The following ADAM18 variants were observed in gnomAD, a reference collection of about 807,000 sequenced individuals.
ADAM18 encodes the protein disintegrin and metalloproteinase domain-containing protein 18.
A neutral mutation model predicts 94.4 loss-of-function variants in ADAM18; 117 were observed. The observed-to-expected ratio is 1.24, with a 90% CI of 1.07 to 1.45. ADAM18 has a LOEUF of 1.45. Ranked by LOEUF, ADAM18 falls within the 40% of genes most tolerant of loss-of-function variation. The pLI, the probability that ADAM18 is intolerant of heterozygous loss-of-function variation, is 0.00. For synonymous variants in ADAM18, 327 were observed against 291.6 expected, an observed-to-expected ratio of 1.12 and a Z score of -1.24; for missense variants, 936 against 880.0, an observed-to-expected ratio of 1.06 and a Z score of -0.81.
chr8:39,630,788 T>G (rs1819911644), intron 7 of ADAM18, among the ~76,000 whole-genome samples: 2 of 151,956 alleles, frequency 1.3e-5, no homozygotes, highest in South Asian at 4.1e-4. Context: ...TATGTTACCT[T>G]TGGACAATAT....
intron 14 of ADAM18, among the ~76,000 whole-genome samples, chr8:39,673,199 G>C (rs1298889160): frequency 6.6e-6 from 1 of 152,164 alleles, no homozygotes; most frequent in Non-Finnish European, 1.5e-5. Context: ...TACTACAAAT[G>C]TAATCAGGTA....
Position 39,703,430 on chromosome 8 carries a change from C to T in ADAM18, c.1903-3360C>T, listed in dbSNP as rs143081320. Among the ~76,000 whole-genome samples the T allele has an allele frequency of 2.3e-3, 356 of 152,024 alleles. 2 individuals carry two copies. The highest frequency in any genetic ancestry group is 3.3e-3 in the Non-Finnish European group (224 of 67,912). ...ATATAGGATCATGTCATCCACAAAG[C>T]GGAATAATTTACCTTCCTTTCTTTC... On this transcript the variant is annotated intron_variant, in intron 17 of 19. Coordinates refer to ENST00000265707, the MANE Select transcript of ADAM18 (RefSeq NM_014237.3).
chr8:39,617,555 C>CACATAG (rs1585903190), intron 6 of ADAM18, among the ~76,000 whole-genome samples: 1 of 152,152 alleles, frequency 6.6e-6, no homozygotes, highest in African/African-American at 2.4e-5. Context: ...TATCATAGTA[C>CACATAG]TATTCACAGT....
In ADAM18 at chr8:39,637,722, A is replaced by C. The variant is rs781208386; in HGVS notation, c.827+19A>C. On this transcript the variant is annotated intron_variant, in intron 9 of 19. Coordinates refer to ENST00000265707, the MANE Select transcript of ADAM18 (RefSeq NM_014237.3). ...TACTTGTGTAAGCACAATGTTCTACATTAATAAAGATATCTGCATAATTAT... is the reference window on the plus strand; with the variant it reads ...TACTTGTGTAAGCACAATGTTCTACCTTAATAAAGATATCTGCATAATTAT... 2 of 1,510,722 alleles carry C rather than the reference A, an allele frequency of 1.3e-6. No homozygotes were observed. Among genetic ancestry groups the C allele is most frequent in the Admixed American group, 2.2e-5 (1 of 45,024 alleles). 93.6% of individuals were successfully genotyped at this position (1,510,722 alleles called of 1,614,324 possible). A position where few individuals can be genotyped will look rare whatever the true frequency, so the allele number is the denominator to read the frequency against.
chr8:39,694,569 T>C (rs961403021), intron 17 of ADAM18, among the ~76,000 whole-genome samples: 38 of 151,612 alleles, frequency 2.5e-4, no homozygotes, highest in African/African-American at 9.2e-4. Flanking sequence ...GTGGTGCTTC[T>C]TCATTGTGTA....
intron 6 of ADAM18, among the ~76,000 whole-genome samples, chr8:39,627,602 T>A (rs1447745416): frequency 6.6e-6 from 1 of 152,128 alleles, no homozygotes; most frequent in Non-Finnish European, 1.5e-5. Flanking sequence ...TCTATAAGAA[T>A]CTTTACATGT....
intron 13 of ADAM18, among the ~76,000 whole-genome samples, chr8:39,666,034 A>G (rs1820985930): frequency 6.6e-6 from 1 of 151,872 alleles, no homozygotes; most frequent in African/African-American, 2.4e-5. Flanking sequence ...AAATTATCTC[A>G]GTTTTTTTTG....
chr8:39,690,587 T>C (rs999500690), intron 16 of ADAM18, among the ~76,000 whole-genome samples: 27 of 152,224 alleles, frequency 1.8e-4, no homozygotes, highest in Admixed American at 1.8e-3. Flanking sequence ...GGACAATTCA[T>C]TAATTACATT....
chr8:39,629,282 AT>A, intron 6 of ADAM18, 91 bp from the exon 7 acceptor site: 1 of 893,484 alleles, frequency 1.1e-6, no homozygotes, highest in Non-Finnish European at 1.7e-6. Flanking sequence ...AAAATCTTAT[AT>A]GCAATTTTTC....
intron 12 of ADAM18, among the ~76,000 whole-genome samples, chr8:39,662,102 A>C (rs1225988842): frequency 2.0e-5 from 3 of 151,990 alleles, no homozygotes; most frequent in African/African-American, 7.2e-5. Flanking sequence ...GCACAAACTC[A>C]CTGGTAATCA....
intron 2 of ADAM18, among the ~76,000 whole-genome samples, chr8:39,593,795 T>A (rs945441890): frequency 1.3e-5 from 2 of 152,204 alleles, no homozygotes; most frequent in Non-Finnish European, 2.9e-5. Context: ...CTGATAAATA[T>A]CTTTGCATTA....
intron 18 of ADAM18, among the ~76,000 whole-genome samples, chr8:39,722,245 A>G (rs1226215381): frequency 4.1e-4 from 27 of 65,656 alleles, no homozygotes; most frequent in East Asian, 8.5e-4. Context: ...ATATATATAT[A>G]TATATATATA....
intron 12 of ADAM18, among the ~76,000 whole-genome samples, chr8:39,656,529 T>TA (rs1421854198): frequency 1.3e-5 from 2 of 152,146 alleles, no homozygotes; most frequent in African/African-American, 4.8e-5. Context: ...AAACAAAGTG[T>TA]AAAACATAAG....
chr8:39,686,114 C>G (rs975189873), intron 16 of ADAM18, among the ~76,000 whole-genome samples: 1 of 152,190 alleles, frequency 6.6e-6, no homozygotes, highest in African/African-American at 2.4e-5. Flanking sequence ...TCTCCACTTA[C>G]AGCAATGCAG....
At chr8:39,679,503 C>T (rs1450726934) in intron 15 of ADAM18, among the ~76,000 whole-genome samples, 4 of 152,050 alleles carry the variant, frequency 2.6e-5, no homozygotes, top group Non-Finnish European at 5.9e-5. Context: ...TCTAAAAGTT[C>T]TTAAATTTTT....
chr8:39,601,565 T>C (rs1293309495), intron 2 of ADAM18, among the ~76,000 whole-genome samples: 4 of 152,230 alleles, frequency 2.6e-5, no homozygotes, highest in Non-Finnish European at 4.4e-5. Flanking sequence ...ATTTGGATGA[T>C]ATATTTCTCT....
In ADAM18 at chr8:39,609,466, T is replaced by TTTC. The variant is rs755384526; in HGVS notation, c.268-17_268-15dup. The TTTC allele has an allele frequency of 1.9e-6, 3 of 1,594,078 alleles. No homozygotes were observed. Among genetic ancestry groups the TTTC allele is most frequent in the Non-Finnish European group, 1.7e-6 (2 of 1,163,614 alleles). Reference sequence around the variant, plus strand: ...TTCACAACGAATTTATATACTTGCCTTTCTATACTGTTTTTCAGATGCATT... The same window carrying TTTC: ...TTCACAACGAATTTATATACTTGCCTTTCTTCTATACTGTTTTTCAGATGCATT... On this transcript the variant is annotated intron_variant, in intron 4 of 19. Coordinates refer to ENST00000265707, the MANE Select transcript of ADAM18 (RefSeq NM_014237.3).
chr8:39,711,783 C>A (rs113469898), intron 18 of ADAM18, among the ~76,000 whole-genome samples: 88 of 151,720 alleles, frequency 5.8e-4, no homozygotes, highest in African/African-American at 2.1e-3. Context: ...CCAAGTGGAA[C>A]AACATTCTCA....
intron 12 of ADAM18, among the ~76,000 whole-genome samples, chr8:39,651,473 T>C (rs1480414335): frequency 6.6e-6 from 1 of 152,222 alleles, no homozygotes; most frequent in Non-Finnish European, 1.5e-5. Context: ...CCTTCCGCAG[T>C]GTATTGTGTC....
Sources: allele counts gnomAD v4.1 joint callset (sites outside exome capture counted in the v4.1 genomes callset), GRCh38; gene constraint gnomAD v4.1.1; transcripts MANE v1.5; gene names NCBI Gene and HGNC (gene_info 2026-07-23, HGNC 2026-07-21).